Variants in EYS observed in about 807,000 individuals in gnomAD.
The protein encoded by EYS is protein eyes shut homolog.
In EYS, 250 loss-of-function variants were observed where a neutral mutation model predicts 282.1. The observed-to-expected ratio is 0.89, with a 90% CI of 0.80 to 0.98. The LOEUF is 0.98. Among genes scored for constraint, EYS ranks in the 50% least tolerant of loss-of-function variants. The pLI is 0.00. For missense variants in EYS, 4,016 were observed against 3,709.0 expected (o/e 1.08, Z -2.15); for synonymous variants, 1,355 against 1,282.9 (o/e 1.06, Z -1.20).
At chr6:65,664,455 T>C (rs1459982661) in intron 1 of EYS, among the ~76,000 whole-genome samples, 4 of 152,156 alleles carry the variant, frequency 2.6e-5, no homozygotes, top group Admixed American at 6.5e-5. Context: ...TTTAATATGA[T>C]AGCTAAGTAA....
intron 19 of EYS, among the ~76,000 whole-genome samples, chr6:64,876,665 A>AGAG (rs1410315465): frequency 3.9e-5 from 6 of 152,142 alleles, no homozygotes; most frequent in African/African-American, 1.2e-4. Context: ...GTAATTGAAT[A>AGAG]GAGTGACATA....
rs1259705495 is a variant in EYS at position 64,732,223 on chromosome 6, T to C, written c.3443+81155A>G. Among the ~76,000 whole-genome samples, 13 of 151,698 alleles carry C rather than the reference T, an allele frequency of 8.6e-5. No homozygotes were observed. The East Asian group carries it at 2.5e-3, about 30-fold the overall frequency. On this transcript the variant is annotated intron_variant, in intron 22 of 42. Coordinates refer to ENST00000503581, the MANE Select transcript of EYS (RefSeq NM_001142800.2). ...ATACCTAATGTTGGTGATGGGTTGC[T>C]GGGTGCAGCAAACCACCGTGGCACG... is the stretch of plus-strand genomic sequence containing the variant.
At chr6:65,244,371 T>C (rs967062334) in intron 12 of EYS, among the ~76,000 whole-genome samples, 8 of 152,166 alleles carry the variant, frequency 5.3e-5, no homozygotes, top group African/African-American at 1.9e-4. Context: ...AGCACATAAG[T>C]TATTCTTTAA....
At chr6:63,756,924 G>T (rs1769500554) in intron 41 of EYS, among the ~76,000 whole-genome samples, 1 of 152,042 alleles carries the variant, frequency 6.6e-6, no homozygotes, top group Admixed American at 6.6e-5. Flanking sequence ...AGCTGAGAAT[G>T]TACATCACCT....
chr6:64,340,245 AAAG>A (rs1365386110), intron 29 of EYS, among the ~76,000 whole-genome samples: 1 of 151,790 alleles, frequency 6.6e-6, no homozygotes, highest in Non-Finnish European at 1.5e-5. Flanking sequence ...CAGAATCAAA[AAAG>A]AAGCCAAATA....
intron 35 of EYS, among the ~76,000 whole-genome samples, chr6:63,935,740 T>A (rs1219291889): frequency 6.6e-6 from 1 of 152,220 alleles, no homozygotes; most frequent in African/African-American, 2.4e-5. Context: ...GTTGTTTAAG[T>A]CATCCAGTCT....
At chr6:64,900,252 A>C (rs1009310637) in intron 18 of EYS, among the ~76,000 whole-genome samples, 5 of 152,206 alleles carry the variant, frequency 3.3e-5, no homozygotes, top group Admixed American at 3.3e-4. Flanking sequence ...AAAGATTAAA[A>C]CGTAAGATCT....
At chr6:64,413,430 G>A (rs886748306) in intron 28 of EYS, among the ~76,000 whole-genome samples, 1 of 151,760 alleles carries the variant, frequency 6.6e-6, no homozygotes, top group African/African-American at 2.4e-5. Flanking sequence ...TCTCCATCTG[G>A]GACCATGATT....
chr6:64,948,463 A>T (rs949343119), intron 14 of EYS, among the ~76,000 whole-genome samples: 2 of 147,110 alleles, frequency 1.4e-5, no homozygotes, highest in Non-Finnish European at 3.0e-5. Context: ...TAATATTATT[A>T]AATATTAAAT....
In EYS at chr6:63,762,580, G is replaced by A; in HGVS notation, c.7952C>T (p.Thr2651Ile). ...KGSFCTETVS[T>I]CDPEHDPPHH... is the part of the protein sequence containing the mutation. ...TGGAGGGTCATGTTCAGGATCACAG[G>A]TAGAAACTGTCTCTGTGCAGAATGA... Residue 2651 changes from threonine to isoleucine, a missense_variant, in exon 41 of 43, where the codon ACC (threonine) becomes ATC (isoleucine). Coordinates refer to ENST00000503581, the MANE Select transcript of EYS (RefSeq NM_001142800.2). The A allele has an allele frequency of 1.3e-6, 2 of 1,550,416 alleles. No individual in the cohort carries two copies. The highest frequency in any genetic ancestry group is 2.4e-5 in the East Asian group (1 of 40,880).
chr6:63,822,767 T>C (rs1225625670), intron 36 of EYS: 1 of 152,212 alleles, frequency 6.6e-6, no homozygotes, highest in Non-Finnish European at 1.5e-5. Context: ...GCTTGGACCT[T>C]CTCAAGAATA....
chr6:64,303,819 C>T (rs1769326366), intron 30 of EYS, among the ~76,000 whole-genome samples: 4 of 108,450 alleles, frequency 3.7e-5, no homozygotes, highest in South Asian at 3.5e-4. Flanking sequence ...CCAGCCTGGG[C>T]GACAGAGCGA....
At chr6:64,609,552 T>C (rs1208308704) in intron 24 of EYS, among the ~76,000 whole-genome samples, 2 of 151,696 alleles carry the variant, frequency 1.3e-5, no homozygotes, top group Admixed American at 6.6e-5. Flanking sequence ...CGGAATGGAT[T>C]TTGGAATCCA....
At chr6:65,340,174 C>T (rs934850465) in intron 10 of EYS, among the ~76,000 whole-genome samples, 3 of 151,108 alleles carry the variant, frequency 2.0e-5, no homozygotes, top group Non-Finnish European at 4.5e-5. Flanking sequence ...AATTTTAGTG[C>T]TCCATGGACT....
chr6:64,019,733 T>C (rs9353440), intron 33 of EYS, among the ~76,000 whole-genome samples: 41,497 of 151,264 alleles, frequency 0.27, 6,407 homozygotes, highest in Middle Eastern at 0.37. Flanking sequence ...TTAAATGAAG[T>C]AATGTTAAAA....
intron 13 of EYS, among the ~76,000 whole-genome samples, chr6:65,013,880 T>C (rs749172500): frequency 1.4e-4 from 21 of 152,078 alleles, no homozygotes; most frequent in Non-Finnish European, 2.9e-4. Flanking sequence ...AATAAATCAA[T>C]GTGGGTAAGA....
chr6:64,792,857 C>CGTGT lies in EYS; in HGVS notation c.3443+20517_3443+20520dup, dbSNP rs61516922. Among the ~76,000 whole-genome samples, 1,301 of 148,422 alleles carry CGTGT rather than the reference C, an allele frequency of 8.8e-3. 10 individuals carry two copies. The highest frequency in any genetic ancestry group is 0.029 in the African/African-American group (1,175 of 40,960). ...GTTTTAATTTCATACGATCTTGACA[C>CGTGT]GTGTGTGTGTGTGTGTGTGTTAGAT... On this transcript the variant is annotated intron_variant, in intron 22 of 42. Transcript: ENST00000503581.
intron 1 of EYS, among the ~76,000 whole-genome samples, chr6:65,695,113 C>T (rs540935325): frequency 6.6e-6 from 1 of 151,876 alleles, no homozygotes; most frequent in South Asian, 2.1e-4. Flanking sequence ...ATATAATATG[C>T]AAGGGCAAAT....
At chr6:63,840,211 C>CTTATTACTA (rs1554181018) in intron 36 of EYS, among the ~76,000 whole-genome samples, 1 of 140,448 alleles carries the variant, frequency 7.1e-6, no homozygotes, top group Non-Finnish European at 1.5e-5. Context: ...CCATGCCCAT[C>CTTATTACTA]TTATTATTAT....
Sources: allele counts gnomAD v4.1 joint callset (sites outside exome capture counted in the v4.1 genomes callset), GRCh38; gene constraint gnomAD v4.1.1; transcripts MANE v1.5; gene names NCBI Gene and HGNC (gene_info 2026-07-23, HGNC 2026-07-21).